Variants in SCMH1 observed in about 807,000 individuals in gnomAD.
SCMH1 encodes Scm polycomb group protein homolog 1, also known as polycomb protein SCMH1.
SCMH1 carries 37 observed loss-of-function variants against 70.8 expected under a neutral mutation model. The observed-to-expected ratio is 0.52, with a 90% confidence interval of 0.40 to 0.69. The LOEUF (loss-of-function observed/expected upper bound fraction) is 0.69. Ranked by LOEUF, SCMH1 falls within the 30% of genes least tolerant of loss-of-function variation. SCMH1 has a pLI of 0.00. For missense variants in SCMH1, 607 were observed against 827.3 expected, an observed-to-expected ratio of 0.73 and a Z score of 3.27; for synonymous variants, 292 against 307.4, an observed-to-expected ratio of 0.95 and a Z score of 0.52.
chr1:41,198,247 T>A (rs113559701), intron 1 of SCMH1, among the ~76,000 whole-genome samples: 425 of 152,312 alleles, frequency 2.8e-3, no homozygotes, highest in South Asian at 6.8e-3. Context: ...TGAATCCATA[T>A]GATCATCACC....
intron 1 of SCMH1, among the ~76,000 whole-genome samples, chr1:41,241,450 A>G (rs900619237): frequency 6.6e-6 from 1 of 151,486 alleles, no homozygotes; most frequent in African/African-American, 2.4e-5. Context: ...GCCGGGGCCC[A>G]GCCCCCAGGA....
At position 41,104,156 on chromosome 1, in the gene SCMH1, C is replaced by T. The variant is rs763698112; in HGVS notation, c.745+9127G>A. ...CGTGCTACATGGTGCTATGCATTTG[C>T]CACCAATTTTCTCATTTCAATCATT... is the stretch of plus-strand genomic sequence containing the variant. On this transcript the variant is annotated intron_variant, in intron 8 of 14. Coordinates refer to ENST00000337495, the Ensembl canonical transcript of SCMH1. 2.4e-4 allele frequency among the ~76,000 whole-genome samples: 37 copies of T among 152,136 alleles called. 1 individual carries two copies. The highest frequency in any genetic ancestry group is 4.6e-4 in the Admixed American group (7 of 15,276).
exon 2 of SCMH1, chr1:41,186,228 T>C (rs1650156778): frequency 1.4e-6 from 1 of 726,274 alleles, no homozygotes; most frequent in Admixed American, 2.1e-5. Context: ...CAAGTCAGTT[T>C]CTTTGTATGC....
chr1:41,033,085 A>C (rs1409637592), intron 13 of SCMH1, among the ~76,000 whole-genome samples: 2 of 152,050 alleles, frequency 1.3e-5, no homozygotes, highest in Non-Finnish European at 2.9e-5. Context: ...TGAGCCCAGG[A>C]ATTTGAGACC....
intron 2 of SCMH1, among the ~76,000 whole-genome samples, chr1:41,176,646 C>T (rs1041563641): frequency 1.4e-4 from 21 of 152,314 alleles, no homozygotes; most frequent in African/African-American, 4.8e-4. Context: ...CGGAGCCTCG[C>T]TCATTGCTAG....
intron 2 of SCMH1, among the ~76,000 whole-genome samples, chr1:41,168,732 G>A (rs1416407234): frequency 1.3e-5 from 2 of 149,534 alleles, no homozygotes; most frequent in African/African-American, 4.9e-5. Flanking sequence ...AGACTTGTCA[G>A]ACTGGCCTCA....
At chr1:41,075,182 C>A (rs768591690) in intron 9 of SCMH1, 37 bp downstream of exon 9, 158 of 1,603,002 alleles carry the variant, frequency 9.9e-5, no homozygotes, top group Non-Finnish European at 9.7e-5. Context: ...CCTTTATAAA[C>A]CCTTATTCCT....
At chr1:41,158,491 T>G (rs1051205105) in intron 4 of SCMH1, among the ~76,000 whole-genome samples, 1 of 152,212 alleles carries the variant, frequency 6.6e-6, no homozygotes, top group Non-Finnish European at 1.5e-5. Context: ...GAAACTCTTT[T>G]TGTTTGTTTC....
chr1:41,160,137 A>G (rs1397039056), intron 4 of SCMH1, among the ~76,000 whole-genome samples: 1 of 152,202 alleles, frequency 6.6e-6, no homozygotes, highest in Non-Finnish European at 1.5e-5. Flanking sequence ...GAAAGGCAAG[A>G]GGAGGCAAAT....
chr1:41,132,728 TG>T (rs1251197866), intron 6 of SCMH1, among the ~76,000 whole-genome samples: 1 of 152,086 alleles, frequency 6.6e-6, no homozygotes, highest in African/African-American at 2.4e-5. Flanking sequence ...TTGTATAAGG[TG>T]TAAGGAGTCC....
Position 41,113,306 on chromosome 1 carries a change from T to A in SCMH1, c.722A>T (p.Asn241Ile). The A allele has an allele frequency of 6.2e-7, 1 of 1,613,754 alleles. No individual in the cohort carries two copies. Reference sequence around the variant, plus strand: ...ACCTTTGGTGCCAGGAGGCTGCAGGTTGTCTCCAGTCAAGGAACACCAGCC... The same window carrying A: ...ACCTTTGGTGCCAGGAGGCTGCAGGATGTCTCCAGTCAAGGAACACCAGCC... Residue 241 changes from asparagine to isoleucine, a missense_variant, in exon 8 of 15, where the codon AAC (asparagine) becomes ATC (isoleucine). Physicochemically the swap from Asn to Ile is moderately radical, Grantham distance 149. Transcript: ENST00000337495. The surrounding 1 kb of genome is among the most constrained non-coding windows in gnomAD (Gnocchi z 4.3).
intron 6 of SCMH1, among the ~76,000 whole-genome samples, chr1:41,134,913 CTAG>C (rs1643017008): frequency 6.6e-6 from 1 of 151,438 alleles, no homozygotes; most frequent in South Asian, 2.1e-4. Context: ...TTTTTTTTTG[CTAG>C]TAGTGTGTTG....
At chr1:41,234,471 T>C (rs1197035282) in intron 1 of SCMH1, among the ~76,000 whole-genome samples, 1 of 124,652 alleles carries the variant, frequency 8.0e-6, no homozygotes, top group Non-Finnish European at 1.7e-5. Context: ...TTTTTTTTTT[T>C]TTTTTTTTTT....
chr1:41,076,250 T>C (rs1658252537), intron 8 of SCMH1, among the ~76,000 whole-genome samples: 1 of 152,212 alleles, frequency 6.6e-6, no homozygotes, highest in African/African-American at 2.4e-5. Flanking sequence ...CACCTCCTTA[T>C]TGAGGACTTC....
At chr1:41,133,476 C>CA (rs371912660) in intron 6 of SCMH1, among the ~76,000 whole-genome samples, 1 of 151,692 alleles carries the variant, frequency 6.6e-6, no homozygotes, top group African/African-American at 2.4e-5. Context: ...ATAAACCCTT[C>CA]AAAAAAATCA....
intron 1 of SCMH1, among the ~76,000 whole-genome samples, chr1:41,190,279 G>A (rs1369710301): frequency 6.6e-6 from 1 of 152,196 alleles, no homozygotes; most frequent in Non-Finnish European, 1.5e-5. Flanking sequence ...AGAGCTGTTT[G>A]CAAATATCTG....
chr1:41,179,332 C>T (rs1194192561), intron 2 of SCMH1, among the ~76,000 whole-genome samples: 2 of 152,048 alleles, frequency 1.3e-5, no homozygotes, highest in Non-Finnish European at 2.9e-5. Flanking sequence ...CAAACACATT[C>T]AAAAGTTAGC....
At chr1:41,038,262 G>A (rs1334941608) in intron 12 of SCMH1, among the ~76,000 whole-genome samples, 1 of 152,190 alleles carries the variant, frequency 6.6e-6, no homozygotes, top group Non-Finnish European at 1.5e-5. Context: ...TTACCGTGAT[G>A]TTTCTATACC....
At chr1:41,082,176 T>C (rs1210067608) in intron 8 of SCMH1, among the ~76,000 whole-genome samples, 1 of 152,142 alleles carries the variant, frequency 6.6e-6, no homozygotes, top group African/African-American at 2.4e-5. Context: ...AGAGTGAAGA[T>C]ATATATGGCC....
Sources: gnomAD v4.1 joint callset for allele counts (sites outside exome capture counted in the v4.1 genomes callset) on GRCh38, gnomAD v4.1.1 for gene constraint, Gnocchi (gnomAD v3.1) non-coding constraint, MANE v1.5 for transcripts, NCBI Gene and HGNC (gene_info 2026-07-23, HGNC 2026-07-21) for gene names.